The following DUOX1 variants were observed in gnomAD, a reference collection of about 807,000 sequenced individuals.
The protein encoded by DUOX1 is dual oxidase 1.
DUOX1 carries 134 observed loss-of-function variants against 181.8 expected under a neutral mutation model. The ratio of observed to expected loss-of-function variants is 0.74; its 90% CI spans 0.64 to 0.85. The LOEUF (loss-of-function observed/expected upper bound fraction) is 0.85, where lower values mean the gene tolerates loss of function less well. Among genes scored for constraint, DUOX1 ranks in the 40% least tolerant of loss-of-function variants. The pLI is 0.00. For synonymous variants in DUOX1, 798 were observed against 832.5 expected (o/e 0.96, Z 0.71); for missense variants, 1,814 against 2,064.4 (o/e 0.88, Z 2.35).
intron 16 of DUOX1, 47 bp from the exon 17 acceptor site, chr15:45,143,989 A>C (rs750273363): frequency 6.3e-7 from 1 of 1,596,590 alleles, no homozygotes; most frequent in South Asian, 1.1e-5. Flanking sequence ...CTCCCAATGT[A>C]CCTCTGATGG....
chr15:45,149,887 A>G (rs554683616), intron 21 of DUOX1, among the ~76,000 whole-genome samples: 10 of 152,328 alleles, frequency 6.6e-5, no homozygotes, highest in Admixed American at 4.6e-4. Context: ...TAGATATGCT[A>G]TTTGTTACCA....
At chr15:45,164,573 A>G (rs1250206506) in intron 33 of DUOX1, among the ~76,000 whole-genome samples, 1 of 151,816 alleles carries the variant, frequency 6.6e-6, no homozygotes, top group Non-Finnish European at 1.5e-5. Flanking sequence ...GGCACAAGCA[A>G]TCCTCCTGCC....
intron 28 of DUOX1, among the ~76,000 whole-genome samples, chr15:45,156,255 G>A (rs1299997780): frequency 6.6e-6 from 1 of 152,108 alleles, no homozygotes; most frequent in Non-Finnish European, 1.5e-5. Flanking sequence ...TGGCTCCTGG[G>A]TGGACTACCT....
chr15:45,138,785 G>C (rs142121378), intron 10 of DUOX1: 8 of 404,994 alleles, frequency 2.0e-5, no homozygotes, highest in Admixed American at 8.3e-5. Flanking sequence ...TAGATCTTCT[G>C]GTTACTTTGC....
intron 8 of DUOX1, 40 bp downstream of exon 8, chr15:45,136,450 G>C: frequency 6.2e-7 from 1 of 1,613,826 alleles, no homozygotes; most frequent in Non-Finnish European, 8.5e-7. Flanking sequence ...GCTTGCGTGT[G>C]TCTTGCGGGG....
At chr15:45,135,394 C>T in intron 5 of DUOX1, 80 bp from the exon 6 acceptor site, 1 of 1,501,078 alleles carries the variant, frequency 6.7e-7, no homozygotes, top group Non-Finnish European at 8.8e-7. Context: ...ACTCCCCAGC[C>T]GCGGACACCC....
At position 45,135,162 on chromosome 15, in the gene DUOX1, C is replaced by A; in HGVS notation, c.366C>A (p.Phe122Leu). ...SVETPGCPAE[F>L]LNIRIPPGDP... ...AAACTCCCGGCTGCCCCGCCGAGTT[C>A]CTCAACATTCGCATCCCGCCCGGAG... The change falls in exon 5 of 34, where the codon TTC (phenylalanine) becomes TTA (leucine). Residue 122 changes from phenylalanine to leucine, a missense_variant. Phe to Leu is a conservative substitution (Grantham distance 22, BLOSUM62 0). This residue lies in a region of DUOX1 where 320 missense variants were observed against 313.1 expected (regional missense o/e 1.02). Coordinates refer to ENST00000389037, the MANE Select transcript of DUOX1 (RefSeq NM_175940.3). The A allele has an allele frequency of 4.3e-6, 7 of 1,613,804 alleles. No homozygotes were observed. Among genetic ancestry groups the A allele is most frequent in the Non-Finnish European group, 5.9e-6 (7 of 1,179,920 alleles).
At chr15:45,139,647 C>A (rs201362445) in intron 12 of DUOX1, 48 bp downstream of exon 12, 2 of 1,501,764 alleles carry the variant, frequency 1.3e-6, no homozygotes, top group East Asian at 4.7e-5. Flanking sequence ...GGACAAGGCA[C>A]GTGGGCCTGA....
intron 28 of DUOX1, among the ~76,000 whole-genome samples, chr15:45,159,607 G>A (rs1897047689): frequency 6.6e-6 from 1 of 152,208 alleles, no homozygotes; most frequent in Non-Finnish European, 1.5e-5. Flanking sequence ...GTCTGACCAT[G>A]TTAGACAAAC....
At chr15:45,155,734 G>C (rs1896954231) in intron 27 of DUOX1, 68 bp from the exon 28 acceptor site, 5 of 1,604,062 alleles carry the variant, frequency 3.1e-6, no homozygotes, top group Non-Finnish European at 4.3e-6. Context: ...AGGGGACCTT[G>C]GAAGCTCCAG....
In DUOX1 at chr15:45,134,293, G is replaced by T. The variant is rs1166576595; in HGVS notation, c.291G>T (p.Val97=). Residue 97 remains valine (V), a synonymous_variant, in exon 4 of 34, where the codon GTG becomes GTT. Transcript: ENST00000389037. ...TGGCCTCCCTGAGAAACCGCACAGT[G>T]TTGGGGGTCTTCTTTGGTGAGAACT... ...AGLASLRNRT[V]LGVFFGYHVL... is the part of the protein sequence containing the mutation. The T allele has an allele frequency of 6.2e-7, 1 of 1,600,510 alleles. No homozygotes were observed. The highest frequency in any genetic ancestry group is 1.8e-5 in the Admixed American group (1 of 56,546).
At position 45,144,137 on chromosome 15, in the gene DUOX1, A is replaced by G. The variant is rs554883225; in HGVS notation, c.2038A>G (p.Thr680Ala). The change falls in exon 17 of 34, where the codon ACC becomes GCC. Residue 680 changes from threonine to alanine, a missense_variant. By Grantham distance (58) the Thr-to-Ala change is moderately conservative. Transcript: ENST00000389037. Reference sequence around the variant, plus strand: ...AGATGGCAGGCTCACCGTGCTCCGCACCATCCAGCTGCAGCCTCCACAGAA... The same window carrying G: ...AGATGGCAGGCTCACCGTGCTCCGCGCCATCCAGCTGCAGCCTCCACAGAA... ...VVDGRLTVLR[T>A]IQLQPPQKVN... is the part of the protein sequence containing the mutation. 6.2e-7 allele frequency: 1 copy of G among 1,614,078 alleles called. No individual in the cohort carries two copies. The highest frequency in any genetic ancestry group is 2.2e-5 in the East Asian group (1 of 44,884).
At chr15:45,161,586 T>C in intron 29 of DUOX1, 152 bp from the exon 30 acceptor site, 1 of 693,728 alleles carries the variant, frequency 1.4e-6, no homozygotes, top group Non-Finnish European at 2.4e-6. Context: ...GCCCCAGTGC[T>C]GCCTGGGCCC....
At chr15:45,153,258 C>G (rs16939774) in intron 25 of DUOX1, 122 bp from the exon 26 acceptor site, 1 of 581,790 alleles carries the variant, frequency 1.7e-6, no homozygotes, top group Non-Finnish European at 3.1e-6. Flanking sequence ...GGTCAGAAGT[C>G]GAGACTCCTA....
chr15:45,161,130 G>C lies in DUOX1; in HGVS notation c.3856+140G>C, dbSNP rs113913292. 1,229 of 1,315,762 alleles carry C rather than the reference G, an allele frequency of 9.3e-4. 5 individuals carry two copies. In the African/African-American group the frequency reaches 0.016, roughly 17 times the overall value. The allele number at this position is 1,315,762 out of a possible 1,614,324, so 81.5% of individuals were successfully genotyped here. ...GGTGGCAGGGACAAAGGAGCTGGTA[G>C]GGGCAAGGCGCAGTGGCTCACGCCT... On this transcript the variant is annotated intron_variant, in intron 29 of 33. Transcript: ENST00000389037.
chr15:45,136,633 A>AG lies in DUOX1; in HGVS notation c.1022+12dup, dbSNP rs769765704. On this transcript the variant is annotated intron_variant, in intron 9 of 33. Transcript: ENST00000389037. ...CCCTGGCGTCTACATGAGGTGAGGG[A>AG]GGGGCTCAAAGGTGTGTGTGCTGGG... 1 of 1,613,462 alleles carries AG rather than the reference A, an allele frequency of 6.2e-7. No individual in the cohort carries two copies. Among genetic ancestry groups the AG allele is most frequent in the South Asian group, 1.1e-5 (1 of 91,054 alleles).
intron 33 of DUOX1, among the ~76,000 whole-genome samples, 158 bp from the exon 34 acceptor site, chr15:45,164,621 A>G (rs909310734): frequency 6.6e-6 from 1 of 152,102 alleles, no homozygotes; most frequent in Admixed American, 6.5e-5. Flanking sequence ...GGAGTGCACC[A>G]CTATGCCTGG....
At chr15:45,148,056 A>T (rs1257344183) in intron 20 of DUOX1, 59 bp downstream of exon 20, 1 of 1,498,666 alleles carries the variant, frequency 6.7e-7, no homozygotes, top group African/African-American at 1.4e-5. Context: ...GGGCAAATAG[A>T]TGGGACCTGA....
chr15:45,135,321 C>T (rs1295973506), intron 5 of DUOX1, 30 bp downstream of exon 5: 3 of 1,562,296 alleles, frequency 1.9e-6, no homozygotes, highest in East Asian at 2.4e-5. Context: ...GGGAAGGGAC[C>T]GCACCCCAGC....
Sources: allele counts gnomAD v4.1 joint callset (sites outside exome capture counted in the v4.1 genomes callset), GRCh38; gene constraint gnomAD v4.1.1; regional missense constraint gnomAD v4.1.1; transcripts MANE v1.5; gene names NCBI Gene and HGNC (gene_info 2026-07-23, HGNC 2026-07-21).